SH2D4B: variants seen among roughly 807,000 people sequenced by gnomAD.
The protein encoded by SH2D4B is SH2 domain-containing protein 4B.
In SH2D4B, 45 loss-of-function variants were observed where a neutral mutation model predicts 61.5. The observed-to-expected ratio is 0.73, with a 90% CI of 0.58 to 0.94. The LOEUF is 0.94. SH2D4B is among the 40% of genes least tolerant of loss of function. The pLI is 0.00. For synonymous variants in SH2D4B, 224 were observed against 220.4 expected, an observed-to-expected ratio of 1.02 and a Z score of -0.14; for missense variants, 572 against 574.2, an observed-to-expected ratio of 1.00 and a Z score of 0.04.
chr10:80,614,012 CT>C (rs1420507041), intron 6 of SH2D4B, among the ~76,000 whole-genome samples: 1 of 152,112 alleles, frequency 6.6e-6, no homozygotes, highest in African/African-American at 2.4e-5. Flanking sequence ...GAATGTTTAT[CT>C]TGGAAAGGAG....
chr10:80,540,856 G>A (rs1348094418), intron 1 of SH2D4B: 16 of 1,551,280 alleles, frequency 1.0e-5, no homozygotes, highest in East Asian at 2.4e-5. Flanking sequence ...GGAATTGTGC[G>A]GGGACGGGCT....
In SH2D4B at chr10:80,547,858, G is replaced by A. The variant is rs893257578; in HGVS notation, c.184+9343G>A. 1.7e-4 allele frequency among the ~76,000 whole-genome samples: 26 copies of A among 152,144 alleles called. 1 individual carries two copies. Among genetic ancestry groups the A allele is most frequent in the Non-Finnish European group, 3.4e-4 (23 of 68,020 alleles). ...TGTGCCATGAGAGTTGGAAAGTTGGGGCTGAGTGTGGGTCTGAGGGACCAG... is the reference window on the plus strand; with the variant it reads ...TGTGCCATGAGAGTTGGAAAGTTGGAGCTGAGTGTGGGTCTGAGGGACCAG... On this transcript the variant is annotated intron_variant, in intron 1 of 7. Coordinates refer to ENST00000646907, the MANE Select transcript of SH2D4B (RefSeq NM_001388272.1).
At chr10:80,546,046 CTTTTTT>C (rs577179576) in intron 1 of SH2D4B, among the ~76,000 whole-genome samples, 1 of 130,426 alleles carries the variant, frequency 7.7e-6, no homozygotes, top group African/African-American at 2.9e-5. Context: ...CTCTCTCTTT[CTTTTTT>C]TTTTTTTTTT....
intron 1 of SH2D4B, among the ~76,000 whole-genome samples, chr10:80,542,660 T>C (rs1246588311): frequency 6.6e-6 from 1 of 151,984 alleles, no homozygotes; most frequent in Non-Finnish European, 1.5e-5. Flanking sequence ...CCTCCCAAAA[T>C]GCTGGGATTA....
At chr10:80,567,157 G>A (rs1025397930) in intron 1 of SH2D4B, among the ~76,000 whole-genome samples, 3 of 152,092 alleles carry the variant, frequency 2.0e-5, no homozygotes, top group Non-Finnish European at 4.4e-5. Context: ...CAGCTGGGTG[G>A]ACAAGAGTGA....
intron 3 of SH2D4B, among the ~76,000 whole-genome samples, chr10:80,583,397 G>A (rs759877075): frequency 9.2e-5 from 14 of 152,066 alleles, no homozygotes; most frequent in African/African-American, 2.9e-4. Context: ...AGCCGGGCGC[G>A]GTGGCTCACA....
chr10:80,643,643 A>G (rs1257935455), intron 7 of SH2D4B, among the ~76,000 whole-genome samples: 2 of 151,784 alleles, frequency 1.3e-5, no homozygotes, highest in African/African-American at 4.8e-5. Context: ...TCATTCCCCG[A>G]CCTGCTTGAG....
chr10:80,635,239 T>TG (rs1842883136), intron 7 of SH2D4B, among the ~76,000 whole-genome samples: 1 of 152,200 alleles, frequency 6.6e-6, no homozygotes, highest in Non-Finnish European at 1.5e-5. Flanking sequence ...AAGCAGTGTA[T>TG]GTAGTAAGAA....
chr10:80,612,094 G>A (rs1420092712), intron 6 of SH2D4B, among the ~76,000 whole-genome samples: 1 of 151,406 alleles, frequency 6.6e-6, no homozygotes, highest in African/African-American at 2.4e-5. Flanking sequence ...TTTATGAATT[G>A]ATGGGATAGT....
At chr10:80,613,127 AG>A (rs1240472586) in intron 6 of SH2D4B, among the ~76,000 whole-genome samples, 3 of 152,170 alleles carry the variant, frequency 2.0e-5, no homozygotes, top group Non-Finnish European at 4.4e-5. Flanking sequence ...GCAGAGTGAG[AG>A]GGGACTGGGA....
intron 4 of SH2D4B, among the ~76,000 whole-genome samples, chr10:80,595,576 T>G (rs905941783): frequency 6.6e-6 from 1 of 152,190 alleles, no homozygotes; most frequent in African/African-American, 2.4e-5. Flanking sequence ...TGCCTTTAGC[T>G]TGAGATTATT....
chr10:80,603,664 T>C lies in SH2D4B; in HGVS notation c.729T>C (p.Ala243=), dbSNP rs747912950. 18 of 1,609,410 alleles carry C rather than the reference T, an allele frequency of 1.1e-5. 1 individual carries two copies. In the South Asian group the frequency reaches 1.9e-4, roughly 17 times the overall value. Residue 243 remains alanine (A), a synonymous_variant, in exon 5 of 8, where the codon GCT becomes GCC. Coordinates refer to ENST00000646907, the MANE Select transcript of SH2D4B (RefSeq NM_001388272.1). ...RDEYRHHSLR[A]IQKGTVAGLS... is the part of the protein sequence containing the mutation. ...AGTACCGACACCACTCGCTCCGTGCTATCCAGAAGGGCACGGTCGCTGGCC... is the reference window on the plus strand; with the variant it reads ...AGTACCGACACCACTCGCTCCGTGCCATCCAGAAGGGCACGGTCGCTGGCC...
chr10:80,643,894 T>C, intron 7 of SH2D4B, 99 bp from the exon 8 acceptor site: 2 of 703,506 alleles, frequency 2.8e-6, no homozygotes, highest in Non-Finnish European at 4.5e-6. Context: ...GACAAATGCA[T>C]ATTCTTAGTT....
chr10:80,553,601 G>T (rs1192907063), intron 1 of SH2D4B, among the ~76,000 whole-genome samples: 1 of 152,186 alleles, frequency 6.6e-6, no homozygotes, highest in African/African-American at 2.4e-5. Context: ...TCTTGTTCTA[G>T]CAAGAGAGGG....
At chr10:80,586,771 A>G (rs758485824) in intron 3 of SH2D4B, among the ~76,000 whole-genome samples, 4 of 152,170 alleles carry the variant, frequency 2.6e-5, no homozygotes, top group Admixed American at 6.5e-5. Context: ...CACTCTTTAC[A>G]ATAAATCTTG....
chr10:80,556,374 A>G (rs56123000), intron 1 of SH2D4B, among the ~76,000 whole-genome samples: 5,546 of 152,290 alleles, frequency 0.036, 302 homozygotes, highest in African/African-American at 0.12. Flanking sequence ...ATCTTAAAAC[A>G]AATTGCATGA....
chr10:80,609,372 G>T (rs1327666115), intron 5 of SH2D4B, 52 bp from the exon 6 acceptor site: 3 of 1,344,120 alleles, frequency 2.2e-6, no homozygotes, highest in Admixed American at 2.1e-5. Flanking sequence ...CTCTCCCTCC[G>T]CTCTTTCTCC....
chr10:80,643,575 T>C (rs1396847881), intron 7 of SH2D4B, among the ~76,000 whole-genome samples: 1 of 152,082 alleles, frequency 6.6e-6, no homozygotes, highest in African/African-American at 2.4e-5. Context: ...CTTTTGGGCG[T>C]GGGACTGTCT....
chr10:80,582,861 G>A (rs1842199553), intron 3 of SH2D4B, among the ~76,000 whole-genome samples: 1 of 152,136 alleles, frequency 6.6e-6, no homozygotes, highest in Admixed American at 6.5e-5. Context: ...GGAATGCTGG[G>A]GGTGATACCA....
Sources: allele counts gnomAD v4.1 joint callset (sites outside exome capture counted in the v4.1 genomes callset), GRCh38; gene constraint gnomAD v4.1.1; transcripts MANE v1.5; gene names NCBI Gene and HGNC (gene_info 2026-07-23, HGNC 2026-07-21).